UGT2B7: variants seen among roughly 807,000 people sequenced by gnomAD.
UGT2B7 encodes UDP-glucuronosyltransferase 2B7.
Under a neutral mutation model 51.9 loss-of-function variants are expected in UGT2B7, and 51 were observed. That is an observed-to-expected ratio of 0.98 (90% confidence interval 0.78 to 1.24). UGT2B7 has a LOEUF of 1.24. UGT2B7 is among the 50% of genes most tolerant of loss of function. UGT2B7 has a pLI of 0.00. For synonymous variants in UGT2B7, 225 were observed against 211.6 expected (o/e 1.06, Z -0.55); for missense variants, 727 against 628.4 (o/e 1.16, Z -1.68).
At chr4:69,068,806 C>T (rs1207877550) in intron 1 of UGT2B7, among the ~76,000 whole-genome samples, 1 of 151,834 alleles carries the variant, frequency 6.6e-6, no homozygotes, top group Non-Finnish European at 1.5e-5. Flanking sequence ...ACTTGGTAAG[C>T]GAGATACTTA....
chr4:69,098,958 G>T (rs909079622), intron 2 of UGT2B7, among the ~76,000 whole-genome samples: 4 of 151,800 alleles, frequency 2.6e-5, no homozygotes, highest in African/African-American at 9.7e-5. Flanking sequence ...ACCTAAGAAG[G>T]TATTGGTCAT....
intron 1 of UGT2B7, among the ~76,000 whole-genome samples, chr4:69,055,672 G>A (rs565928179): frequency 1.2e-4 from 18 of 152,088 alleles, no homozygotes; most frequent in Admixed American, 3.3e-4. Flanking sequence ...TATGTTTGTG[G>A]AAAAACCGTA....
At chr4:69,077,050 T>C (rs1718722542) in intron 1 of UGT2B7, among the ~76,000 whole-genome samples, 2 of 152,206 alleles carry the variant, frequency 1.3e-5, no homozygotes, top group Admixed American at 6.5e-5. Context: ...GCTTTCCTCA[T>C]TGCTTGTTTT....
At chr4:69,095,086 A>T (rs1369989425), upstream of UGT2B7, among the ~76,000 whole-genome samples, 1 of 152,176 alleles carries the variant, frequency 6.6e-6, no homozygotes, top group African/African-American at 2.4e-5. Context: ...ATTCCATTAA[A>T]GTTTTGTTAT....
upstream of UGT2B7, among the ~76,000 whole-genome samples, chr4:69,093,336 C>T (rs1460453740): frequency 2.0e-5 from 3 of 152,328 alleles, no homozygotes; most frequent in East Asian, 5.8e-4. Context: ...GTTGCACAAA[C>T]AGCAAAGATG....
At chr4:69,086,671 T>C (rs1475162794) in intron 1 of UGT2B7, among the ~76,000 whole-genome samples, 2 of 152,096 alleles carry the variant, frequency 1.3e-5, no homozygotes, top group Middle Eastern at 6.8e-3. Context: ...GTTATGACCA[T>C]ATATATTTAC....
chr4:69,064,708 A>G (rs1718450666), intron 1 of UGT2B7, among the ~76,000 whole-genome samples: 2 of 152,128 alleles, frequency 1.3e-5, no homozygotes, highest in South Asian at 4.1e-4. Flanking sequence ...CAATCTCTGG[A>G]TGTTAAGTCA....
intron 4 of UGT2B7, 113 bp from the exon 5 acceptor site, chr4:69,107,990 A>G (rs1719658611): frequency 1.5e-6 from 2 of 1,378,822 alleles, no homozygotes; most frequent in African/African-American, 1.5e-5. Flanking sequence ...CTGAAACACA[A>G]TTTTAATTTA....
chr4:69,091,693 G>C (rs1317466130), upstream of UGT2B7, among the ~76,000 whole-genome samples: 1 of 152,142 alleles, frequency 6.6e-6, no homozygotes, highest in African/African-American at 2.4e-5. Flanking sequence ...CTGCAGCTCT[G>C]CTGTGCTGGT....
At chr4:69,073,699 T>C (rs747327171) in intron 1 of UGT2B7, among the ~76,000 whole-genome samples, 3 of 152,068 alleles carry the variant, frequency 2.0e-5, no homozygotes, top group Non-Finnish European at 4.4e-5. Flanking sequence ...ACAAATCATA[T>C]AATGAGTAGC....
chr4:69,083,383 C>A (rs1180385202), intron 1 of UGT2B7, among the ~76,000 whole-genome samples: 1 of 151,964 alleles, frequency 6.6e-6, no homozygotes, highest in Non-Finnish European at 1.5e-5. Context: ...AAATTGTAAA[C>A]CTTCTGTAAG....
At chr4:69,108,669 T>TA (rs1719684705) in intron 5 of UGT2B7, among the ~76,000 whole-genome samples, 1 of 152,072 alleles carries the variant, frequency 6.6e-6, no homozygotes, top group Non-Finnish European at 1.5e-5. Flanking sequence ...ATTAGATATC[T>TA]AAAACACCTC....
intron 5 of UGT2B7, among the ~76,000 whole-genome samples, chr4:69,110,442 T>A (rs753531217): frequency 3.4e-5 from 5 of 147,532 alleles, no homozygotes; most frequent in Non-Finnish European, 7.4e-5. Flanking sequence ...ACCCAACAGA[T>A]ATGTATAAAT....
chr4:69,111,645 A>G (rs752182673), intron 5 of UGT2B7, among the ~76,000 whole-genome samples: 2 of 152,212 alleles, frequency 1.3e-5, no homozygotes, highest in Non-Finnish European at 2.9e-5. Context: ...TGATTATTTC[A>G]TATTGTATCA....
upstream of UGT2B7, among the ~76,000 whole-genome samples, chr4:69,094,241 GCCA>G (rs1259842667): frequency 3.8e-5 from 3 of 79,652 alleles, 1 homozygote; most frequent in Non-Finnish European, 6.3e-5. Flanking sequence ...CCGGGTTCAT[GCCA>G]TTCTCCTGCC....
chr4:69,107,463 TC>T (rs1478321976), intron 4 of UGT2B7, among the ~76,000 whole-genome samples: 1 of 152,188 alleles, frequency 6.6e-6, no homozygotes, highest in Non-Finnish European at 1.5e-5. Context: ...TTCTTTATAG[TC>T]TGAATCGGGG....
chr4:69,112,179 C>T (rs1719791459), intron 5 of UGT2B7, among the ~76,000 whole-genome samples: 1 of 152,144 alleles, frequency 6.6e-6, no homozygotes, highest in South Asian at 2.1e-4. Context: ...GTAAAAATCC[C>T]TGTCCTGTTC....
At chr4:69,089,199 G>C (rs184433190) in intron 1 of UGT2B7, among the ~76,000 whole-genome samples, 2 of 152,150 alleles carry the variant, frequency 1.3e-5, no homozygotes, top group African/African-American at 4.8e-5. Context: ...TTTAGAATTA[G>C]CTATCTACCA....
At chr4:69,103,049 A>G in intron 3 of UGT2B7, 111 bp downstream of exon 3, 1 of 1,516,014 alleles carries the variant, frequency 6.6e-7, no homozygotes, top group Non-Finnish European at 8.8e-7. Context: ...CAAAAGTTGA[A>G]AAATTAGAAC....
Sources: allele counts gnomAD v4.1 joint callset (sites outside exome capture counted in the v4.1 genomes callset), GRCh38; gene constraint gnomAD v4.1.1; transcripts MANE v1.5; gene names NCBI Gene and HGNC (gene_info 2026-07-23, HGNC 2026-07-21).